ATL2: variants seen among roughly 807,000 people sequenced by gnomAD.
ATL2 encodes atlastin GTPase 2.
ATL2 carries 31 observed loss-of-function variants against 73.9 expected under a neutral mutation model. The ratio of observed to expected loss-of-function variants is 0.42; its 90% CI spans 0.32 to 0.57. The LOEUF (loss-of-function observed/expected upper bound fraction) is 0.57, where lower values mean the gene tolerates loss of function less well. Among genes scored for constraint, ATL2 ranks in the 20% least tolerant of loss-of-function variants. The pLI is 0.14. For synonymous variants in ATL2, 291 were observed against 237.5 expected (o/e 1.23, Z -2.07); for missense variants, 738 against 702.6 (o/e 1.05, Z -0.57).
Position 38,294,158 on chromosome 2 carries a change from CAG to C in ATL2, c.*1834_*1835del, listed in dbSNP as rs1287210485. ...AAAACAAATACAATCCATATAAAAA[CAG>C]AATCTGAATGGGAGTGGGAGCGAAG... On this transcript the variant is annotated 3_prime_UTR_variant, in exon 13 of 13. Coordinates refer to ENST00000378954, the MANE Select transcript of ATL2 (RefSeq NM_001135673.4). Among the ~76,000 whole-genome samples the C allele has an allele frequency of 2.6e-5, 4 of 152,152 alleles. No individual in the cohort carries two copies. The highest frequency in any genetic ancestry group is 5.9e-5 in the Non-Finnish European group (4 of 68,022).
chr2:38,332,213 C>CT lies in ATL2; in HGVS notation c.363+11054dup, dbSNP rs201940894. Among the ~76,000 whole-genome samples, 1,067 of 152,186 alleles carry CT rather than the reference C, an allele frequency of 7.0e-3. 14 individuals are homozygous for CT. The highest frequency in any genetic ancestry group is 0.024 in the African/African-American group (1,005 of 41,528). ...GGGATTCATTTTGAGATGATGGAAA[C>CT]TTTGTTTCTTTTTGAGACTGTGACT... On this transcript the variant is annotated intron_variant, in intron 2 of 12. Coordinates refer to ENST00000378954, the MANE Select transcript of ATL2 (RefSeq NM_001135673.4).
At chr2:38,338,770 G>A (rs896913228) in intron 2 of ATL2, among the ~76,000 whole-genome samples, 12 of 152,130 alleles carry the variant, frequency 7.9e-5, no homozygotes, top group South Asian at 4.1e-4. Flanking sequence ...GCAGTACCAC[G>A]TGACTATACA....
intron 1 of ATL2, chr2:38,358,734 G>C (rs1461048378): frequency 6.3e-6 from 1 of 159,786 alleles, no homozygotes; most frequent in African/African-American, 2.4e-5. Flanking sequence ...ATGATATACG[G>C]CTAGGATTGA....
intron 5 of ATL2, 64 bp downstream of exon 5, chr2:38,315,220 T>C (rs1013285142): frequency 1.9e-5 from 26 of 1,370,684 alleles, no homozygotes; most frequent in Non-Finnish European, 2.4e-5. Flanking sequence ...CACCGTACTC[T>C]AGTCTGGGGA....
chr2:38,352,756 A>G (rs1449660346), intron 1 of ATL2, among the ~76,000 whole-genome samples: 1 of 152,232 alleles, frequency 6.6e-6, no homozygotes, highest in Non-Finnish European at 1.5e-5. Flanking sequence ...TAGAATCGAC[A>G]TATCTTAGAA....
At chr2:38,310,239 T>C (rs189445621) in intron 8 of ATL2, 70 bp downstream of exon 8, 4 of 1,528,688 alleles carry the variant, frequency 2.6e-6, no homozygotes, top group East Asian at 2.3e-5. Flanking sequence ...TAAGGCGTCA[T>C]GTATTTTCTT....
At chr2:38,356,415 C>G (rs1463018236) in intron 1 of ATL2, among the ~76,000 whole-genome samples, 1 of 151,674 alleles carries the variant, frequency 6.6e-6, no homozygotes, top group African/African-American at 2.4e-5. Flanking sequence ...TCTCGAACTC[C>G]TGGGCTCAAG....
intron 1 of ATL2, among the ~76,000 whole-genome samples, chr2:38,356,508 T>TA (rs1386968066): frequency 3.9e-5 from 6 of 152,166 alleles, no homozygotes; most frequent in Non-Finnish European, 7.3e-5. Flanking sequence ...TTACTTTACA[T>TA]ACAGTCTTCT....
chr2:38,354,755 T>G (rs908864937), intron 1 of ATL2, among the ~76,000 whole-genome samples: 1 of 152,014 alleles, frequency 6.6e-6, no homozygotes, highest in Non-Finnish European at 1.5e-5. Flanking sequence ...CCAGGTGTGG[T>G]GGCACATCCC....
intron 6 of ATL2, 53 bp from the exon 7 acceptor site, chr2:38,313,296 A>G: frequency 2.3e-6 from 3 of 1,306,688 alleles, no homozygotes; most frequent in Non-Finnish European, 3.2e-6. Context: ...AAAATTTACG[A>G]AAAAATCACA....
At chr2:38,370,120 A>C (rs1320727585) in intron 1 of ATL2, among the ~76,000 whole-genome samples, 1 of 136,954 alleles carries the variant, frequency 7.3e-6, no homozygotes, top group Non-Finnish European at 1.5e-5. Flanking sequence ...CCGCCACTGC[A>C]CTCCAACCTG....
intron 1 of ATL2, among the ~76,000 whole-genome samples, chr2:38,355,511 T>C (rs895718673): frequency 1.3e-5 from 2 of 152,138 alleles, no homozygotes; most frequent in Non-Finnish European, 2.9e-5. Flanking sequence ...TATACAGACA[T>C]TAATCATAAG....
chr2:38,306,572 A>G (rs2148413905), intron 9 of ATL2, among the ~76,000 whole-genome samples: 1 of 152,306 alleles, frequency 6.6e-6, no homozygotes, highest in African/African-American at 2.4e-5. Flanking sequence ...AGGACAGTTC[A>G]ACATACACCA....
intron 1 of ATL2, among the ~76,000 whole-genome samples, chr2:38,352,705 T>A (rs1281401858): frequency 6.6e-6 from 1 of 151,972 alleles, no homozygotes; most frequent in Non-Finnish European, 1.5e-5. Flanking sequence ...CCAGCCAGAG[T>A]GGAAAGAAAC....
At chr2:38,303,601 G>A (rs959174878) in intron 9 of ATL2, among the ~76,000 whole-genome samples, 6 of 151,934 alleles carry the variant, frequency 3.9e-5, no homozygotes, top group African/African-American at 1.5e-4. Flanking sequence ...AAAGAATGAA[G>A]CATGCCTACA....
chr2:38,337,486 CAAAAAAAAAAAAAAAAAAAA>C lies in ATL2; in HGVS notation c.363+5762_363+5781del, dbSNP rs755029194. Among the ~76,000 whole-genome samples the C allele has an allele frequency of 4.2e-4, 9 of 21,638 alleles. 1 individual carries two copies. Among genetic ancestry groups the C allele is most frequent in the African/African-American group, 1.4e-3 (9 of 6,528 alleles). The allele number at this position is 21,638 out of a possible 152,430, so 14.2% of individuals were successfully genotyped here. A position where few individuals can be genotyped will look rare whatever the true frequency, so the allele number is the denominator to read the frequency against. ...TGGCGACAGAACAAGACTCTGTCTCCAAAAAAAAAAAAAAAAAAAAAAAAAAAAAAAGGCAGTTGAGGCAA... is the reference window on the plus strand; with the variant it reads ...TGGCGACAGAACAAGACTCTGTCTCCAAAAAAAAAAAGGCAGTTGAGGCAA... On this transcript the variant is annotated intron_variant, in intron 2 of 12. Transcript: ENST00000378954.
upstream of ATL2, among the ~76,000 whole-genome samples, chr2:38,377,705 G>A (rs1003961818): frequency 1.1e-4 from 16 of 152,122 alleles, no homozygotes; most frequent in African/African-American, 3.6e-4. Context: ...CACGTGAGGT[G>A]GCTTTCGCAC....
At chr2:38,344,161 G>A (rs1669889334) in intron 1 of ATL2, among the ~76,000 whole-genome samples, 1 of 151,876 alleles carries the variant, frequency 6.6e-6, no homozygotes, top group Non-Finnish European at 1.5e-5. Flanking sequence ...TCTGAGCCCT[G>A]TATTATTCTG....
intron 1 of ATL2, among the ~76,000 whole-genome samples, chr2:38,367,118 C>A (rs1378863478): frequency 6.6e-6 from 1 of 151,916 alleles, no homozygotes. Context: ...CCGCACACAG[C>A]CAAGACATTA....
Sources: allele counts gnomAD v4.1 joint callset (sites outside exome capture counted in the v4.1 genomes callset), GRCh38; gene constraint gnomAD v4.1.1; transcripts MANE v1.5; gene names NCBI Gene and HGNC (gene_info 2026-07-23, HGNC 2026-07-21).